NUMB: variants seen among roughly 807,000 people sequenced by gnomAD.
The protein encoded by NUMB is NUMB endocytic adaptor protein.
NUMB carries 29 observed loss-of-function variants against 59.7 expected under a neutral mutation model. That is an observed-to-expected ratio of 0.49 (90% CI 0.36 to 0.66). The LOEUF is 0.66. NUMB is among the 30% of genes least tolerant of loss of function. NUMB has a pLI of 0.00. For synonymous variants in NUMB, 288 were observed against 288.2 expected (o/e 1.00, Z 0.01); for missense variants, 723 against 822.0 (o/e 0.88, Z 1.47).
chr14:73,413,457 T>C (rs1011280298), intron 1 of NUMB, among the ~76,000 whole-genome samples: 13 of 151,916 alleles, frequency 8.6e-5, no homozygotes, highest in Non-Finnish European at 1.8e-4. Context: ...AATGATTTGA[T>C]TCTTTTTCTA....
intron 4 of NUMB, 164 bp from the exon 5 acceptor site, chr14:73,323,368 A>G: frequency 5.8e-6 from 3 of 518,368 alleles, no homozygotes; most frequent in Non-Finnish European, 1.0e-5. Flanking sequence ...AGAGACACAC[A>G]ACCTGTATTG....
chr14:73,286,508 A>C (rs960095210), intron 9 of NUMB: 1 of 153,218 alleles, frequency 6.5e-6, no homozygotes, highest in Non-Finnish European at 1.5e-5. Context: ...ATGTTTGTAC[A>C]GGCATTTCTG....
intron 1 of NUMB, among the ~76,000 whole-genome samples, chr14:73,449,089 T>G (rs763568963): frequency 6.6e-6 from 1 of 152,218 alleles, no homozygotes; most frequent in Non-Finnish European, 1.5e-5. Context: ...ACATAACATT[T>G]ATATCATATT....
At chr14:73,323,756 A>G (rs1281550740) in intron 4 of NUMB, among the ~76,000 whole-genome samples, 1 of 152,258 alleles carries the variant, frequency 6.6e-6, no homozygotes. Flanking sequence ...TTATGAAGGT[A>G]TTACATCTGA....
intron 4 of NUMB, among the ~76,000 whole-genome samples, chr14:73,335,302 CAAAAAAAAAA>C (rs10556271): frequency 2.1e-3 from 211 of 100,220 alleles, no homozygotes; most frequent in Non-Finnish European, 2.7e-3. Context: ...GCCAAAAAGA[CAAAAAAAAAA>C]AAAAAAAAAA....
chr14:73,284,466 T>C (rs1347616837), intron 9 of NUMB, 92 bp from the exon 10 acceptor site: 3 of 1,056,670 alleles, frequency 2.8e-6, no homozygotes, highest in Non-Finnish European at 4.2e-6. Context: ...TCTAGGTCCT[T>C]TTACCCATTT....
intron 4 of NUMB, among the ~76,000 whole-genome samples, chr14:73,343,105 A>C (rs1439962701): frequency 6.6e-6 from 1 of 151,992 alleles, no homozygotes; most frequent in East Asian, 1.9e-4. Context: ...CTGGGATTAC[A>C]AGTGTGAGCC....
intron 3 of NUMB, among the ~76,000 whole-genome samples, chr14:73,356,479 C>T (rs1334962637): frequency 6.6e-6 from 1 of 152,072 alleles, no homozygotes; most frequent in Non-Finnish European, 1.5e-5. Flanking sequence ...CCCGCCTCTA[C>T]TAAAACTACA....
At chr14:73,450,740 G>A (rs1201128645) in intron 1 of NUMB, among the ~76,000 whole-genome samples, 1 of 151,804 alleles carries the variant, frequency 6.6e-6, no homozygotes, top group East Asian at 1.9e-4. Flanking sequence ...AGTGAGCCGA[G>A]ATCGTGCCAC....
chr14:73,305,487 G>A (rs1166625454), intron 6 of NUMB, among the ~76,000 whole-genome samples: 3 of 151,986 alleles, frequency 2.0e-5, no homozygotes, highest in African/African-American at 7.3e-5. Context: ...AAGATCACCA[G>A]TGAGATAAGA....
At position 73,316,439 on chromosome 14, in the gene NUMB, A is replaced by G; in HGVS notation, c.202-17T>C. 6.2e-7 allele frequency: 1 copy of G among 1,612,716 alleles called. No homozygotes were observed. Among genetic ancestry groups the G allele is most frequent in the Non-Finnish European group, 8.5e-7 (1 of 1,179,032 alleles). On this transcript the variant is annotated splice_polypyrimidine_tract_variant and intron_variant, in intron 5 of 12. Transcript: ENST00000555238. Reference sequence around the variant, plus strand: ...CTTCCTTTCCTGGAGGAACAGGGGGACAAGTCGAGTGCTATTATTGTATGG... The same window carrying G: ...CTTCCTTTCCTGGAGGAACAGGGGGGCAAGTCGAGTGCTATTATTGTATGG...
Position 73,277,012 on chromosome 14 carries a change from C to A in NUMB, c.1522G>T (p.Ala508Ser). The A allele has an allele frequency of 1.2e-6, 2 of 1,614,072 alleles. No homozygotes were observed. The highest frequency in any genetic ancestry group is 8.5e-7 in the Non-Finnish European group (1 of 1,180,032). Residue 508 changes from alanine to serine, a missense_variant, in exon 13 of 13, where the codon GCC becomes TCC. By Grantham distance (99) the Ala-to-Ser change is moderately conservative (BLOSUM62 1). Coordinates refer to ENST00000555238, the MANE Select transcript of NUMB (RefSeq NM_001005743.2). ...CCATTGGCCACAGGATAGGACTGGG[C>A]AGGGACAAAGGCTGGTTGCAGGGCT... ...VPALQPAFVP[A>S]QSYPVANGMP...
intron 6 of NUMB, among the ~76,000 whole-genome samples, chr14:73,309,154 A>T (rs1164361202): frequency 6.6e-6 from 1 of 152,240 alleles, no homozygotes; most frequent in Non-Finnish European, 1.5e-5. Context: ...TGAGGAACAC[A>T]GATAGTTCAT....
At chr14:73,361,520 C>T (rs376006284) in intron 3 of NUMB, among the ~76,000 whole-genome samples, 3 of 151,568 alleles carry the variant, frequency 2.0e-5, no homozygotes, top group East Asian at 1.9e-4. Flanking sequence ...TAGGTAAACA[C>T]GTGTCATGGG....
intron 4 of NUMB, 127 bp downstream of exon 4, chr14:73,355,499 T>C: frequency 5.8e-6 from 4 of 692,362 alleles, no homozygotes; most frequent in Non-Finnish European, 8.7e-6. Flanking sequence ...ATTCTATCAT[T>C]GAAGCAGAAT....
chr14:73,353,151 C>A (rs377611817), intron 4 of NUMB, among the ~76,000 whole-genome samples: 6 of 118,134 alleles, frequency 5.1e-5, no homozygotes, highest in African/African-American at 1.9e-4. Context: ...ATGGTGTGAT[C>A]TGGGCTCACT....
At chr14:73,282,190 C>T (rs1261263466) in intron 11 of NUMB, 169 bp downstream of exon 11, 2 of 578,912 alleles carry the variant, frequency 3.5e-6, no homozygotes, top group Non-Finnish European at 5.8e-6. Context: ...AGGAAGGGCA[C>T]AAAGACATCG....
intron 2 of NUMB, among the ~76,000 whole-genome samples, chr14:73,406,107 T>TA (rs398025647): frequency 1.3e-5 from 2 of 151,666 alleles, no homozygotes; most frequent in Non-Finnish European, 2.9e-5. Flanking sequence ...TTTTTTTTTT[T>TA]ATTATACTTT....
At chr14:73,403,346 C>A (rs762718253) in intron 2 of NUMB, among the ~76,000 whole-genome samples, 25 of 152,146 alleles carry the variant, frequency 1.6e-4, no homozygotes, top group Non-Finnish European at 3.2e-4. Flanking sequence ...CCTGATTCAC[C>A]CATTATATAT....
Sources: gnomAD v4.1 joint callset for allele counts (sites outside exome capture counted in the v4.1 genomes callset) on GRCh38, gnomAD v4.1.1 for gene constraint, MANE v1.5 for transcripts, NCBI Gene and HGNC (gene_info 2026-07-23, HGNC 2026-07-21) for gene names.